The following ARB2A variants were observed in gnomAD, a reference collection of about 807,000 sequenced individuals.
ARB2A encodes cotranscriptional regulator ARB2A.
chr5:93,855,799 C>G, the ARB2A span, among the ~76,000 whole-genome samples: 1 of 152,040 alleles, frequency 6.6e-6, no homozygotes, highest in African/African-American at 2.4e-5. Context: ...GACATGCACA[C>G]CAAGAACCCA....
chr5:93,639,098 C>A, the ARB2A span, among the ~76,000 whole-genome samples: 31,122 of 152,032 alleles, frequency 0.2, 4,636 homozygotes, highest in African/African-American at 0.41. Context: ...CACATAAAGT[C>A]AATTATTATG....
At chr5:93,626,094 G>A in the ARB2A span, among the ~76,000 whole-genome samples, 1 of 152,128 alleles carries the variant, frequency 6.6e-6, no homozygotes, top group African/African-American at 2.4e-5. Context: ...TTTGGCAGAT[G>A]TATATTATTT....
the ARB2A span, among the ~76,000 whole-genome samples, chr5:93,695,425 T>C: frequency 6.6e-6 from 1 of 152,062 alleles, no homozygotes; most frequent in Non-Finnish European, 1.5e-5. Context: ...CCAACAAACA[T>C]ATGGAAAAAA....
chr5:93,746,201 CTAAT>C, the ARB2A span, among the ~76,000 whole-genome samples: 1 of 152,026 alleles, frequency 6.6e-6, no homozygotes, highest in African/African-American at 2.4e-5. Context: ...TTAAGAAAAA[CTAAT>C]AAAGTACATA....
the ARB2A span, among the ~76,000 whole-genome samples, chr5:93,870,690 C>A: frequency 6.6e-6 from 1 of 152,180 alleles, no homozygotes; most frequent in Non-Finnish European, 1.5e-5. Context: ...GCAGTGATAC[C>A]AAACTATACT....
At chr5:94,003,697 A>C in the ARB2A span, among the ~76,000 whole-genome samples, 2 of 152,132 alleles carry the variant, frequency 1.3e-5, no homozygotes, top group Non-Finnish European at 1.5e-5. Flanking sequence ...TGGTGAAAAA[A>C]AATAAAAGAC....
At chr5:93,657,925 C>T in the ARB2A span, among the ~76,000 whole-genome samples, 36 of 152,184 alleles carry the variant, frequency 2.4e-4, no homozygotes, top group African/African-American at 7.7e-4. Flanking sequence ...CAACAGTAAC[C>T]AAATTTGCTA....
At chr5:93,854,621 C>T in the ARB2A span, among the ~76,000 whole-genome samples, 2 of 152,204 alleles carry the variant, frequency 1.3e-5, no homozygotes. Context: ...CTACACACTG[C>T]TTTGAATGTG....
chr5:93,899,942 T>C, the ARB2A span, among the ~76,000 whole-genome samples: 1 of 152,166 alleles, frequency 6.6e-6, no homozygotes, highest in Non-Finnish European at 1.5e-5. Context: ...GATACACTAA[T>C]TGGCTCTAAC....
At chr5:94,012,684 G>A in the ARB2A span, among the ~76,000 whole-genome samples, 1 of 152,104 alleles carries the variant, frequency 6.6e-6, no homozygotes, top group African/African-American at 2.4e-5. Context: ...GCTAACTCAC[G>A]GGCTTGTAAG....
chr5:93,998,556 T>C, the ARB2A span, among the ~76,000 whole-genome samples: 2 of 151,924 alleles, frequency 1.3e-5, no homozygotes, highest in South Asian at 2.1e-4. Context: ...TCCTGGAGCA[T>C]AGAAAGATGG....
At chr5:94,023,024 G>T in the ARB2A span, among the ~76,000 whole-genome samples, 1 of 152,196 alleles carries the variant, frequency 6.6e-6, no homozygotes, top group South Asian at 2.1e-4. Flanking sequence ...AGTAATTCCA[G>T]AACTAGGACT....
chr5:93,906,083 C>T, the ARB2A span, among the ~76,000 whole-genome samples: 5 of 151,574 alleles, frequency 3.3e-5, no homozygotes, highest in East Asian at 9.7e-4. Flanking sequence ...AATCAACCAA[C>T]GTAGCAATGA....
At chr5:93,740,846 TTTGC>T in the ARB2A span, 2 of 1,613,896 alleles carry the variant, frequency 1.2e-6, no homozygotes, top group Non-Finnish European at 1.7e-6. Context: ...ATGTGGCTGA[TTTGC>T]TGGGGTGTGG....
chr5:93,994,286 TAAAG>T, the ARB2A span, among the ~76,000 whole-genome samples: 9 of 152,086 alleles, frequency 5.9e-5, no homozygotes, highest in African/African-American at 2.2e-4. Flanking sequence ...GATGGCTGAA[TAAAG>T]AAAGAAAATA....
the ARB2A span, among the ~76,000 whole-genome samples, chr5:93,771,344 TA>T: frequency 1.1e-4 from 16 of 151,732 alleles, no homozygotes; most frequent in East Asian, 2.3e-3. Context: ...CCTAAAACCA[TA>T]AAAACCCTAG....
chr5:93,962,727 T>G, the ARB2A span, among the ~76,000 whole-genome samples: 1 of 152,122 alleles, frequency 6.6e-6, no homozygotes, highest in Non-Finnish European at 1.5e-5. Flanking sequence ...AAGGGAAATA[T>G]TAATTTCCTA....
chr5:93,701,319 C>T, the ARB2A span, among the ~76,000 whole-genome samples: 20 of 152,224 alleles, frequency 1.3e-4, no homozygotes, highest in East Asian at 1.7e-3. Context: ...ACTTTCAATA[C>T]GCCCATACAT....
chr5:93,719,934 G>A, the ARB2A span, among the ~76,000 whole-genome samples: 1 of 152,128 alleles, frequency 6.6e-6, no homozygotes, highest in African/African-American at 2.4e-5. Context: ...GCACTTTGGA[G>A]TAGGTTCCTC....
Sources: allele counts gnomAD v4.1 joint callset (sites outside exome capture counted in the v4.1 genomes callset), GRCh38; gene constraint gnomAD v4.1.1; transcripts MANE v1.5; gene names NCBI Gene and HGNC (gene_info 2026-07-23, HGNC 2026-07-21).